TSGA10: variants seen among roughly 807,000 people sequenced by gnomAD.
TSGA10 encodes the protein testis-specific gene 10 protein.
TSGA10 carries 43 observed loss-of-function variants against 96.6 expected under a neutral mutation model. The observed-to-expected ratio is 0.44, with a 90% CI of 0.35 to 0.57. The LOEUF (loss-of-function observed/expected upper bound fraction) is 0.57, where lower values mean the gene tolerates loss of function less well. Ranked by LOEUF, TSGA10 falls within the 20% of genes least tolerant of loss-of-function variation. The probability of loss-of-function intolerance (pLI) is 0.01; values close to 1 mark genes in which losing one functional copy is unlikely to be tolerated. For missense variants in TSGA10, 703 were observed against 834.4 expected (o/e 0.84, Z 1.94); for synonymous variants, 229 against 269.9 (o/e 0.85, Z 1.48).
intron 14 of TSGA10, among the ~76,000 whole-genome samples, chr2:99,070,964 T>A (rs1209011131): frequency 6.6e-6 from 1 of 152,172 alleles, no homozygotes; most frequent in Non-Finnish European, 1.5e-5. Flanking sequence ...CAGGATCCCA[T>A]TATTCATTTA....
chr2:99,144,520 C>T (rs1400676048), intron 1 of TSGA10, among the ~76,000 whole-genome samples: 5 of 151,758 alleles, frequency 3.3e-5, no homozygotes, highest in African/African-American at 1.2e-4. Flanking sequence ...CACGGTGGCT[C>T]ATGCCTGTAA....
intron 1 of TSGA10, among the ~76,000 whole-genome samples, chr2:99,136,230 C>T (rs1242849105): frequency 6.6e-6 from 1 of 152,120 alleles, no homozygotes; most frequent in Non-Finnish European, 1.5e-5. Context: ...TTCTTCCATC[C>T]CTACTATCAC....
chr2:99,112,962 AATG>A (rs1277359229), intron 4 of TSGA10, among the ~76,000 whole-genome samples: 1 of 151,028 alleles, frequency 6.6e-6, no homozygotes, highest in Non-Finnish European at 1.5e-5. Flanking sequence ...AAGTAACAAT[AATG>A]ATAAGGACTA....
At chr2:99,129,882 G>A (rs955231797) in intron 1 of TSGA10, among the ~76,000 whole-genome samples, 1 of 152,126 alleles carries the variant, frequency 6.6e-6, no homozygotes, top group East Asian at 1.9e-4. Flanking sequence ...GTAAGAACAT[G>A]CTGTGTTTGG....
At chr2:99,006,980 A>T (rs1395272053) in intron 20 of TSGA10, among the ~76,000 whole-genome samples, 1 of 152,020 alleles carries the variant, frequency 6.6e-6, no homozygotes, top group Non-Finnish European at 1.5e-5. Flanking sequence ...AAATGAGCTT[A>T]TGTCCTTTGT....
intron 1 of TSGA10, chr2:99,147,441 G>A: frequency 6.2e-7 from 1 of 1,613,182 alleles, no homozygotes; most frequent in East Asian, 2.2e-5. Flanking sequence ...AGTCCAAAGA[G>A]GCCCCCAATA....
At chr2:99,141,097 C>T (rs1015774257) in intron 1 of TSGA10, 13 of 1,284,236 alleles carry the variant, frequency 1.0e-5, no homozygotes, top group Non-Finnish European at 1.3e-5. Flanking sequence ...AGCTCCGGGT[C>T]CCTCCCCGGG....
At chr2:99,057,186 C>G (rs1017009447) in intron 16 of TSGA10, among the ~76,000 whole-genome samples, 1 of 152,040 alleles carries the variant, frequency 6.6e-6, no homozygotes, top group African/African-American at 2.4e-5. Context: ...CCTTCTGGAC[C>G]CTTCTATTCA....
chr2:99,018,132 C>T, intron 20 of TSGA10, 68 bp downstream of exon 20: 1 of 1,522,328 alleles, frequency 6.6e-7, no homozygotes, highest in Non-Finnish European at 8.9e-7. Context: ...TTCCTTATTA[C>T]CCCAAATGTT....
chr2:99,024,992 T>C (rs2080428634), intron 17 of TSGA10, among the ~76,000 whole-genome samples: 1 of 152,220 alleles, frequency 6.6e-6, no homozygotes, highest in African/African-American at 2.4e-5. Context: ...TAAACCTTAC[T>C]AGATGGTGTA....
At chr2:99,148,231 A>T (rs547338480) in intron 1 of TSGA10, 24 of 152,346 alleles carry the variant, frequency 1.6e-4, no homozygotes, top group African/African-American at 4.1e-4. Context: ...ATTTGACAGG[A>T]GTATTTCCTT....
At chr2:99,074,676 T>C (rs2086467036) in intron 12 of TSGA10, among the ~76,000 whole-genome samples, 1 of 152,116 alleles carries the variant, frequency 6.6e-6, no homozygotes, top group Non-Finnish European at 1.5e-5. Context: ...AGTCTTTACT[T>C]GAGGCCGAAT....
At chr2:99,151,631 A>T (rs1467667663) in intron 1 of TSGA10, 3 of 152,194 alleles carry the variant, frequency 2.0e-5, no homozygotes. Flanking sequence ...ACTGCCAATA[A>T]ACTGCAAAAG....
In TSGA10 at chr2:99,105,550, C is replaced by T. The variant is rs753086462; in HGVS notation, c.358G>A (p.Asp120Asn). 1 of 1,612,634 alleles carries T rather than the reference C, an allele frequency of 6.2e-7. No individual in the cohort carries two copies. Among genetic ancestry groups the T allele is most frequent in the South Asian group, 1.1e-5 (1 of 91,038 alleles). ...ACCTTTAGCCTCTCCCTTAGACTAT[C>T]TCGTTCTGTGGTCATTCTTCGTAAA... ...TDLRRMTTER[D>N]SLRERLKIAQ... Residue 120 changes from aspartate to asparagine, a missense_variant, in exon 8 of 21, where the codon GAT (aspartate) becomes AAT (asparagine). Transcript: ENST00000393483.
intron 20 of TSGA10, among the ~76,000 whole-genome samples, chr2:99,013,106 G>T (rs1230349074): frequency 1.3e-5 from 2 of 151,874 alleles, no homozygotes; most frequent in Non-Finnish European, 2.9e-5. Flanking sequence ...GTTCCTTCAG[G>T]TGTGACCTTA....
intron 14 of TSGA10, among the ~76,000 whole-genome samples, chr2:99,070,216 A>C (rs1177508904): frequency 6.6e-6 from 1 of 152,290 alleles, no homozygotes; most frequent in East Asian, 1.9e-4. Context: ...ATAGCTATAA[A>C]ATATTTATTG....
intron 20 of TSGA10, among the ~76,000 whole-genome samples, chr2:99,006,351 C>T (rs1485655722): frequency 6.6e-6 from 1 of 152,086 alleles, no homozygotes; most frequent in Non-Finnish European, 1.5e-5. Flanking sequence ...TCAGAGTGAA[C>T]AGGCAACCAA....
intron 16 of TSGA10, among the ~76,000 whole-genome samples, chr2:99,038,216 T>G (rs1340211819): frequency 6.6e-6 from 1 of 151,996 alleles, no homozygotes; most frequent in Non-Finnish European, 1.5e-5. Context: ...AGTATAACTC[T>G]CACAAGGCCT....
intron 16 of TSGA10, among the ~76,000 whole-genome samples, chr2:99,038,386 T>C (rs1558804352): frequency 6.6e-6 from 1 of 152,130 alleles, no homozygotes; most frequent in Non-Finnish European, 1.5e-5. Context: ...ATACACTAAA[T>C]AAGTATCTGA....
Sources: allele counts gnomAD v4.1 joint callset (sites outside exome capture counted in the v4.1 genomes callset), GRCh38; gene constraint gnomAD v4.1.1; transcripts MANE v1.5; gene names NCBI Gene and HGNC (gene_info 2026-07-23, HGNC 2026-07-21).